ARHGAP42: variants seen among roughly 807,000 people sequenced by gnomAD.
ARHGAP42 encodes the protein Rho GTPase activating protein 42.
A neutral mutation model predicts 125.0 loss-of-function variants in ARHGAP42; 63 were observed. That is an observed-to-expected ratio of 0.50 (90% confidence interval 0.41 to 0.62). The LOEUF is 0.62. Among genes scored for constraint, ARHGAP42 ranks in the 20% least tolerant of loss-of-function variants. ARHGAP42 has a pLI of 0.00. For synonymous variants in ARHGAP42, 339 were observed against 351.0 expected, an observed-to-expected ratio of 0.97 and a Z score of 0.38; for missense variants, 766 against 1,024.2, an observed-to-expected ratio of 0.75 and a Z score of 3.44.
chr11:100,796,768 CTTTT>C (rs35175302), intron 3 of ARHGAP42, among the ~76,000 whole-genome samples: 2 of 119,004 alleles, frequency 1.7e-5, no homozygotes, highest in Non-Finnish European at 3.4e-5. Context: ...CTTTTTAATT[CTTTT>C]TTTTTTTTTT....
chr11:100,842,422 A>T (rs528991661), intron 3 of ARHGAP42, among the ~76,000 whole-genome samples: 1 of 152,308 alleles, frequency 6.6e-6, no homozygotes, highest in South Asian at 2.1e-4. Context: ...ACCATCCATG[A>T]CACTGAAAGT....
chr11:100,696,239 C>CA (rs1233805437), intron 1 of ARHGAP42, among the ~76,000 whole-genome samples: 1 of 151,906 alleles, frequency 6.6e-6, no homozygotes, highest in Non-Finnish European at 1.5e-5. Context: ...AACAAACAAA[C>CA]AAAAAAACTG....
At chr11:100,703,196 TG>T (rs1417784114) in intron 1 of ARHGAP42, among the ~76,000 whole-genome samples, 1 of 152,200 alleles carries the variant, frequency 6.6e-6, no homozygotes, top group East Asian at 1.9e-4. Flanking sequence ...CTAGATAATC[TG>T]GGGGAACATC....
At chr11:100,847,818 G>C (rs964094679) in intron 3 of ARHGAP42, among the ~76,000 whole-genome samples, 3 of 152,090 alleles carry the variant, frequency 2.0e-5, no homozygotes, top group Admixed American at 6.6e-5. Flanking sequence ...GTGTTTTTGA[G>C]GTGTCCGTGG....
chr11:100,776,833 A>G (rs1863138045), intron 2 of ARHGAP42, among the ~76,000 whole-genome samples: 1 of 152,000 alleles, frequency 6.6e-6, no homozygotes, highest in East Asian at 1.9e-4. Context: ...AAATACAAAA[A>G]TGAGCTGGGC....
intron 21 of ARHGAP42, among the ~76,000 whole-genome samples, 157 bp downstream of exon 21, chr11:100,977,128 CTA>C (rs960731756): frequency 5.9e-5 from 9 of 152,154 alleles, no homozygotes; most frequent in African/African-American, 2.2e-4. Flanking sequence ...CTATTCTTTT[CTA>C]TGAGTGATGT....
chr11:100,857,919 C>T (rs1327218143), intron 3 of ARHGAP42, among the ~76,000 whole-genome samples: 2 of 152,042 alleles, frequency 1.3e-5, no homozygotes, highest in African/African-American at 2.4e-5. Context: ...TTGTGAAGGA[C>T]TTATTGCAAT....
At chr11:100,959,168 T>C (rs559890421) in intron 12 of ARHGAP42, among the ~76,000 whole-genome samples, 36 of 152,066 alleles carry the variant, frequency 2.4e-4, no homozygotes, top group Non-Finnish European at 4.6e-4. Flanking sequence ...AAATAAATGC[T>C]TTCTCTTTAA....
intron 4 of ARHGAP42, among the ~76,000 whole-genome samples, chr11:100,911,953 G>C (rs1478915925): frequency 6.6e-6 from 1 of 152,096 alleles, no homozygotes; most frequent in African/African-American, 2.4e-5. Context: ...AAGCATCTCA[G>C]TACTTCTTAC....
chr11:100,858,334 T>C (rs1865372550), intron 3 of ARHGAP42, among the ~76,000 whole-genome samples: 1 of 152,156 alleles, frequency 6.6e-6, no homozygotes, highest in Non-Finnish European at 1.5e-5. Flanking sequence ...ACAAGATTTT[T>C]TGAGTATTAG....
intron 1 of ARHGAP42, among the ~76,000 whole-genome samples, chr11:100,700,148 A>T (rs1025468305): frequency 1.3e-5 from 2 of 152,228 alleles, no homozygotes; most frequent in African/African-American, 4.8e-5. Context: ...TGTAAAGCTT[A>T]TGTTTACACT....
At chr11:100,808,395 C>G (rs1238529830) in intron 3 of ARHGAP42, among the ~76,000 whole-genome samples, 1 of 118,778 alleles carries the variant, frequency 8.4e-6, no homozygotes, top group East Asian at 2.3e-4. Flanking sequence ...TAAATTCACT[C>G]TTTTTTTTTT....
At chr11:100,839,428 C>A (rs577469553) in intron 3 of ARHGAP42, 1 of 152,080 alleles carries the variant, frequency 6.6e-6, no homozygotes, top group Non-Finnish European at 1.5e-5. Context: ...ATAACTTCCA[C>A]ACACCAGCTA....
intron 4 of ARHGAP42, among the ~76,000 whole-genome samples, chr11:100,874,838 G>A (rs988150253): frequency 3.3e-5 from 5 of 152,140 alleles, no homozygotes; most frequent in Non-Finnish European, 7.3e-5. Context: ...GTCCCCAAAA[G>A]AAGTGTGGCA....
chr11:100,690,039 C>A (rs1483832845), intron 1 of ARHGAP42, among the ~76,000 whole-genome samples: 1 of 152,112 alleles, frequency 6.6e-6, no homozygotes, highest in Non-Finnish European at 1.5e-5. Context: ...AGACATGTCC[C>A]CTGGCATAGC....
At chr11:100,861,104 A>T (rs929889097) in intron 4 of ARHGAP42, among the ~76,000 whole-genome samples, 1 of 152,204 alleles carries the variant, frequency 6.6e-6, no homozygotes, top group Non-Finnish European at 1.5e-5. Flanking sequence ...GAACTTGTCC[A>T]GGAAATCAAC....
intron 3 of ARHGAP42, among the ~76,000 whole-genome samples, chr11:100,796,831 G>A (rs1213306760): frequency 6.1e-5 from 9 of 146,826 alleles, no homozygotes; most frequent in Non-Finnish European, 1.0e-4. Flanking sequence ...GTGCAGTGGC[G>A]CGATCTTTGC....
chr11:100,920,650 T>G (rs143308980), intron 5 of ARHGAP42, among the ~76,000 whole-genome samples: 66 of 152,214 alleles, frequency 4.3e-4, no homozygotes, highest in South Asian at 1.5e-3. Flanking sequence ...CTGAGGGCAA[T>G]AGGCAGAGAA....
chr11:100,859,753 T>G (rs1474894723), intron 4 of ARHGAP42, 128 bp downstream of exon 4: 2 of 655,174 alleles, frequency 3.1e-6, no homozygotes, highest in Non-Finnish European at 4.8e-6. Context: ...TAAAACTTTT[T>G]GCATAGAGAC....
Sources: allele counts gnomAD v4.1 joint callset (sites outside exome capture counted in the v4.1 genomes callset), GRCh38; gene constraint gnomAD v4.1.1; transcripts MANE v1.5; gene names NCBI Gene and HGNC (gene_info 2026-07-23, HGNC 2026-07-21).